The following FOSL2 variants were observed in gnomAD, a reference collection of about 807,000 sequenced individuals.
The protein encoded by FOSL2 is fos-related antigen 2.
A neutral mutation model predicts 27.7 loss-of-function variants in FOSL2; 3 were observed. The observed-to-expected ratio is 0.11, with a 90% CI of 0.05 to 0.28. FOSL2 has a LOEUF of 0.28. Ranked by LOEUF, FOSL2 falls within the 10% of genes least tolerant of loss-of-function variation. FOSL2 has a pLI of 1.00. For synonymous variants in FOSL2, 179 were observed against 190.1 expected (o/e 0.94, Z 0.48); for missense variants, 333 against 445.1 (o/e 0.75, Z 2.27).
In FOSL2 at chr2:28,408,694, G is replaced by T; in HGVS notation, c.355-65G>T. On this transcript the variant is annotated intron_variant, in intron 2 of 3. Transcript: ENST00000264716. The surrounding 1 kb of genome is among the most constrained non-coding windows in gnomAD (Gnocchi z 4.1). ...GGCTTCTTGCCTTACTTAAAATACA[G>T]TTTTTAAAAAATACTGTGAACCATT... is the stretch of plus-strand genomic sequence containing the variant. The T allele has an allele frequency of 1.6e-6, 2 of 1,247,750 alleles. No individual in the cohort carries two copies. Among genetic ancestry groups the T allele is most frequent in the Non-Finnish European group, 2.2e-6 (2 of 903,916 alleles). 77.3% of individuals were successfully genotyped at this position (1,247,750 alleles called of 1,614,324 possible). A position where few individuals can be genotyped will look rare whatever the true frequency, so the allele number is the denominator to read the frequency against.
At chr2:28,409,350 C>T (rs188942453) in intron 3 of FOSL2, among the ~76,000 whole-genome samples, 3 of 152,302 alleles carry the variant, frequency 2.0e-5, no homozygotes, top group Non-Finnish European at 4.4e-5. Context: ...AGATAGGTCA[C>T]GTGGCAGCAG....
chr2:28,403,592 G>A (rs1248811530), intron 1 of FOSL2, among the ~76,000 whole-genome samples: 1 of 152,172 alleles, frequency 6.6e-6, no homozygotes, highest in African/African-American at 2.4e-5. Context: ...GAACCTCTTT[G>A]GAAAGTGACA....
At chr2:28,407,079 G>GT (rs1350403184) in intron 2 of FOSL2, among the ~76,000 whole-genome samples, 2 of 152,212 alleles carry the variant, frequency 1.3e-5, no homozygotes, top group African/African-American at 4.8e-5. Flanking sequence ...AGACTTCTAG[G>GT]TCAGTCAGGA....
rs972151960 is a variant in FOSL2 at position 28,417,048 on chromosome 2, T to C, written c.*4600T>C. Reference sequence around the variant, plus strand: ...CAGAACCGCAAGCTCAAAATCTTTGTATAGTTTTGAAAATTGAGGAGTAGC... The same window carrying C: ...CAGAACCGCAAGCTCAAAATCTTTGCATAGTTTTGAAAATTGAGGAGTAGC... On this transcript the variant is annotated 3_prime_UTR_variant, in exon 4 of 4. Coordinates refer to ENST00000264716, the MANE Select transcript of FOSL2 (RefSeq NM_005253.4). The C allele has an allele frequency of 1.3e-5, 2 of 151,670 alleles. No individual in the cohort carries two copies. The highest frequency in any genetic ancestry group is 4.9e-5 in the African/African-American group (2 of 41,236). 9.4% of individuals were successfully genotyped at this position (151,670 alleles called of 1,614,324 possible).
In FOSL2 at chr2:28,393,706, C is replaced by A. The variant is rs763204087; in HGVS notation, c.-15C>A. 6.9e-6 allele frequency: 11 copies of A among 1,587,452 alleles called. No homozygotes were observed. The highest frequency in any genetic ancestry group is 1.1e-5 in the South Asian group (1 of 89,416). On this transcript the variant is annotated 5_prime_UTR_variant, in exon 1 of 4. Coordinates refer to ENST00000264716, the MANE Select transcript of FOSL2 (RefSeq NM_005253.4). This position sits in a 1 kb window ranked among gnomAD's most constrained non-coding sequence, Gnocchi z 4.6. ...GAAAAACACCCTGTTTCCTCTCCGGCCCCCACCGCGGATCATGTACCAGGA... is the reference window on the plus strand; with the variant it reads ...GAAAAACACCCTGTTTCCTCTCCGGACCCCACCGCGGATCATGTACCAGGA...
chr2:28,393,538 T>C lies in FOSL2; in HGVS notation c.-183T>C, dbSNP rs1295727004. On this transcript the variant is annotated 5_prime_UTR_variant, in exon 1 of 4. Coordinates refer to ENST00000264716, the MANE Select transcript of FOSL2 (RefSeq NM_005253.4). The surrounding 1 kb of genome is among the most constrained non-coding windows in gnomAD (Gnocchi z 4.6). ...GCTGTAAGGGACGCTCGGGGGACGC[T>C]GTTCCTGAGGTGTCGCCGCCTCCCT... is the stretch of plus-strand genomic sequence containing the variant. 3.2e-5 allele frequency: 18 copies of C among 560,532 alleles called. No individual in the cohort carries two copies. The highest frequency in any genetic ancestry group is 9.5e-6 in the Non-Finnish European group (3 of 314,476). 34.7% of individuals were successfully genotyped at this position (560,532 alleles called of 1,614,324 possible).
chr2:28,403,686 G>A (rs1664018558), intron 1 of FOSL2, among the ~76,000 whole-genome samples: 1 of 152,134 alleles, frequency 6.6e-6, no homozygotes, highest in South Asian at 2.1e-4. Flanking sequence ...GTCCTGAGCT[G>A]GTACCCTGAG....
At chr2:28,410,878 G>A (rs146157186) in intron 3 of FOSL2, among the ~76,000 whole-genome samples, 2 of 152,330 alleles carry the variant, frequency 1.3e-5, no homozygotes, top group East Asian at 1.9e-4. Context: ...GCCAGGCGCC[G>A]TGGCTCATGC....
At chr2:28,403,696 G>A (rs1664018739) in intron 1 of FOSL2, among the ~76,000 whole-genome samples, 1 of 152,164 alleles carries the variant, frequency 6.6e-6, no homozygotes, top group Admixed American at 6.5e-5. Context: ...GGTACCCTGA[G>A]AAACAGTTGG....
chr2:28,400,363 A>C (rs764144784), intron 1 of FOSL2, among the ~76,000 whole-genome samples: 10 of 152,178 alleles, frequency 6.6e-5, no homozygotes, highest in Non-Finnish European at 1.5e-4. Flanking sequence ...GAAGAATGCT[A>C]GGCTAACTTC....
At chr2:28,410,763 C>G (rs1243341127) in intron 3 of FOSL2, among the ~76,000 whole-genome samples, 1 of 152,208 alleles carries the variant, frequency 6.6e-6, no homozygotes, top group Non-Finnish European at 1.5e-5. Flanking sequence ...CACAGGCCCT[C>G]TCGGGCTGTC....
chr2:28,412,227 G>A lies in FOSL2; in HGVS notation c.760G>A (p.Gly254Ser), dbSNP rs760337334. Residue 254 changes from glycine to serine, a missense_variant, in exon 4 of 4, where the codon GGC becomes AGC. This residue lies in a region of FOSL2 where 136 missense variants were observed against 123.7 expected (regional missense o/e 1.10). Coordinates refer to ENST00000264716, the MANE Select transcript of FOSL2 (RefSeq NM_005253.4). This position sits in a 1 kb window ranked among gnomAD's most constrained non-coding sequence, Gnocchi z 7.1. ...SVIKPISIAG[G>S]FYGEEPLHTP... ...CATCAAGCCCATCAGCATTGCTGGGGGCTTCTACGGTGAGGAGCCCCTGCA... is the reference window on the plus strand; with the variant it reads ...CATCAAGCCCATCAGCATTGCTGGGAGCTTCTACGGTGAGGAGCCCCTGCA... The A allele has an allele frequency of 1.9e-6, 3 of 1,613,772 alleles. No individual in the cohort carries two copies. The highest frequency in any genetic ancestry group is 2.5e-6 in the Non-Finnish European group (3 of 1,179,934).
intron 1 of FOSL2, among the ~76,000 whole-genome samples, chr2:28,401,864 C>T (rs919661585): frequency 2.0e-5 from 3 of 152,254 alleles, no homozygotes; most frequent in Admixed American, 1.3e-4. Flanking sequence ...TTCACGGGAT[C>T]CCAGAATCCA....
In FOSL2 at chr2:28,413,819, C is replaced by T. The variant is rs1664257950; in HGVS notation, c.*1371C>T. 5.0e-6 allele frequency: 2 copies of T among 398,970 alleles called. No homozygotes were observed. Among genetic ancestry groups the T allele is most frequent in the Admixed American group, 4.4e-5 (1 of 22,744 alleles). 24.7% of individuals were successfully genotyped at this position (398,970 alleles called of 1,614,324 possible). On this transcript the variant is annotated 3_prime_UTR_variant, in exon 4 of 4. Coordinates refer to ENST00000264716, the MANE Select transcript of FOSL2 (RefSeq NM_005253.4). ...CAGCTGGCCTGAGCTGTCGCTGTGG[C>T]TTGTGGCTCATGCGCCATTCCTGGT...
At chr2:28,411,099 G>C (rs938870038) in intron 3 of FOSL2, among the ~76,000 whole-genome samples, 10 of 151,710 alleles carry the variant, frequency 6.6e-5, no homozygotes, top group Non-Finnish European at 1.5e-4. Flanking sequence ...AGTGAGCCAA[G>C]GTCATGCCAC....
At chr2:28,410,201 A>G (rs1291578341) in intron 3 of FOSL2, among the ~76,000 whole-genome samples, 1 of 152,048 alleles carries the variant, frequency 6.6e-6, no homozygotes, top group Admixed American at 6.5e-5. Flanking sequence ...GCCGGGGAGG[A>G]TGAGTGGGAA....
At chr2:28,411,778 G>A (rs1664202887) in intron 3 of FOSL2, 152 bp from the exon 4 acceptor site, 1 of 734,198 alleles carries the variant, frequency 1.4e-6, no homozygotes, top group East Asian at 2.7e-5. Context: ...TGAGCCTCCA[G>A]GTGACTGAGA....
chr2:28,400,840 C>T (rs1358464594), intron 1 of FOSL2, among the ~76,000 whole-genome samples: 1 of 152,206 alleles, frequency 6.6e-6, no homozygotes, highest in African/African-American at 2.4e-5. Flanking sequence ...TCCACTTATT[C>T]TGAAGGGGTC....
chr2:28,408,709 T>C lies in FOSL2; in HGVS notation c.355-50T>C. 7.5e-7 allele frequency: 1 copy of C among 1,331,594 alleles called. No individual in the cohort carries two copies. The highest frequency in any genetic ancestry group is 1.0e-6 in the Non-Finnish European group (1 of 968,062). 82.5% of individuals were successfully genotyped at this position (1,331,594 alleles called of 1,614,324 possible). On this transcript the variant is annotated intron_variant, in intron 2 of 3. Coordinates refer to ENST00000264716, the MANE Select transcript of FOSL2 (RefSeq NM_005253.4). This position sits in a 1 kb window ranked among gnomAD's most constrained non-coding sequence, Gnocchi z 4.1. ...TTAAAATACAGTTTTTAAAAAATACTGTGAACCATTGTCTCTGTTCTAACC... is the reference window on the plus strand; with the variant it reads ...TTAAAATACAGTTTTTAAAAAATACCGTGAACCATTGTCTCTGTTCTAACC...
Sources: allele counts gnomAD v4.1 joint callset (sites outside exome capture counted in the v4.1 genomes callset), GRCh38; gene constraint gnomAD v4.1.1; regional missense constraint gnomAD v4.1.1; non-coding constraint Gnocchi (gnomAD v3.1); transcripts MANE v1.5; gene names NCBI Gene and HGNC (gene_info 2026-07-23, HGNC 2026-07-21).